Variants in KIR3DL2 observed in about 807,000 individuals in gnomAD.
KIR3DL2 encodes the protein killer cell immunoglobulin-like receptor 3DL2.
Under a neutral mutation model 41.6 loss-of-function variants are expected in KIR3DL2, and 42 were observed. The ratio of observed to expected loss-of-function variants is 1.01; its 90% confidence interval spans 0.79 to 1.31. KIR3DL2 has a LOEUF of 1.31. Among genes scored for constraint, KIR3DL2 ranks in the 50% most tolerant of loss-of-function variants. The probability of loss-of-function intolerance (pLI) is 0.00; values close to 1 mark genes in which losing one functional copy is unlikely to be tolerated. For synonymous variants in KIR3DL2, 230 were observed against 221.3 expected, an observed-to-expected ratio of 1.04 and a Z score of -0.35; for missense variants, 728 against 576.8, an observed-to-expected ratio of 1.26 and a Z score of -2.68.
Position 54,855,634 on chromosome 19 carries a change from C to G in KIR3DL2, c.671C>G (p.Pro224Arg). 1.2e-6 allele frequency: 2 copies of G among 1,612,988 alleles called. No homozygotes were observed. The highest frequency in any genetic ancestry group is 1.7e-6 in the Non-Finnish European group (2 of 1,179,810). Residue 224 changes from proline (P) to arginine (R), a missense_variant, in exon 5 of 9, where the codon CCT becomes CGT. Coordinates refer to ENST00000326321, the MANE Select transcript of KIR3DL2 (RefSeq NM_006737.4). ...DIVITGLYEK[P>R]SLSAQPGPTV... ...CTCCTTCCAGGTCTATATGAGAAAC[C>G]TTCTCTCTCAGCCCAGCCGGGCCCC...
intron 6 of KIR3DL2, among the ~76,000 whole-genome samples, chr19:54,860,565 A>T (rs2145681916): frequency 6.6e-6 from 1 of 152,046 alleles, no homozygotes; most frequent in South Asian, 2.1e-4. Flanking sequence ...TGTAGAGAGG[A>T]TGTTTCACCA....
chr19:54,855,624 T>C lies in KIR3DL2; in HGVS notation c.661T>C (p.Tyr221His). ...ACTGCCTCTTCTCCTTCCAGGTCTA[T>C]ATGAGAAACCTTCTCTCTCAGCCCA... is the stretch of plus-strand genomic sequence containing the variant. ...DPLDIVITGLYEKPSLSAQPG... is the reference protein window; with the variant it reads ...DPLDIVITGLHEKPSLSAQPG... Residue 221 changes from tyrosine to histidine, a missense_variant, in exon 5 of 9, where the codon TAT becomes CAT. By Grantham distance (83) the Tyr-to-His change is moderately conservative. Coordinates refer to ENST00000326321, the MANE Select transcript of KIR3DL2 (RefSeq NM_006737.4). 1 of 1,612,768 alleles carries C rather than the reference T, an allele frequency of 6.2e-7. No homozygotes were observed. The highest frequency in any genetic ancestry group is 8.5e-7 in the Non-Finnish European group (1 of 1,179,774).
At chr19:54,859,173 G>A (rs2065001786) in intron 6 of KIR3DL2, 44 bp downstream of exon 6, 2 of 1,564,374 alleles carry the variant, frequency 1.3e-6, no homozygotes, top group East Asian at 4.5e-5. Flanking sequence ...GAAACCTGGG[G>A]AGGTGGAAGC....
chr19:54,862,916 A>ACATATGTAT (rs1364793956), intron 6 of KIR3DL2, among the ~76,000 whole-genome samples: 2 of 143,096 alleles, frequency 1.4e-5, no homozygotes, highest in Non-Finnish European at 3.0e-5. Flanking sequence ...CAGGTTAGTT[A>ACATATGTAT]CATATGTATA....
chr19:54,853,388 A>G (rs2064457107), intron 3 of KIR3DL2, among the ~76,000 whole-genome samples: 1 of 151,748 alleles, frequency 6.6e-6, no homozygotes, highest in Non-Finnish European at 1.5e-5. Context: ...AGAGACTCCA[A>G]TTTGTTCAAA....
At chr19:54,853,673 C>G (rs1486078026) in intron 3 of KIR3DL2, 74 bp from the exon 4 acceptor site, 10 of 1,537,584 alleles carry the variant, frequency 6.5e-6, no homozygotes, top group African/African-American at 1.4e-5. Flanking sequence ...GGAGGGGAAC[C>G]CTCACTCATT....
Position 54,852,154 on chromosome 19 carries a change from T to G in KIR3DL2, c.227T>G (p.Phe76Cys). 1 of 1,612,996 alleles carries G rather than the reference T, an allele frequency of 6.2e-7. No homozygotes were observed. The highest frequency in any genetic ancestry group is 8.5e-7 in the Non-Finnish European group (1 of 1,179,624). ...SHVPIFHGRI[F>C]QESFIMGPVT... ...GTTCCCATCTTCCACGGCAGAATAT[T>G]CCAGGAGAGCTTCATCATGGGCCCT... Residue 76 changes from phenylalanine to cysteine, a missense_variant, in exon 3 of 9, where the codon TTC becomes TGC. Phe to Cys is a radical substitution (Grantham distance 205, BLOSUM62 -2). Coordinates refer to ENST00000326321, the MANE Select transcript of KIR3DL2 (RefSeq NM_006737.4).
chr19:54,866,614 G>A lies in KIR3DL2; in HGVS notation c.1251G>A (p.Arg417=). Residue 417 remains arginine, a synonymous_variant, in exon 9 of 9, where the codon AGG becomes AGA. Transcript: ENST00000326321. Reference sequence around the variant, plus strand: ...GAAAAATCAGTCGCCCTTCTCAGAGGCCCAAGACACCCCTAACAGATACCA... The same window carrying A: ...GAAAAATCAGTCGCCCTTCTCAGAGACCCAAGACACCCCTAACAGATACCA... ...IQRKISRPSQ[R]PKTPLTDTSV... 1 of 1,613,920 alleles carries A rather than the reference G, an allele frequency of 6.2e-7. No individual in the cohort carries two copies. Among genetic ancestry groups the A allele is most frequent in the Admixed American group, 1.7e-5 (1 of 60,018 alleles).
rs757853845 is a variant in KIR3DL2 at position 54,853,889 on chromosome 19, C to G, written c.498C>G (p.Arg166=). The change falls in exon 4 of 9, where the codon CGC becomes CGG. Residue 166 remains arginine (R), a synonymous_variant. Transcript: ENST00000326321. ...HREGISEDPS[R]LVGQIHDGVS... is the part of the protein sequence containing the mutation. ...AGGGGATCTCTGAGGACCCCTCACG[C>G]CTCGTTGGACAGATCCATGATGGGG... The G allele has an allele frequency of 6.2e-7, 1 of 1,613,370 alleles. No homozygotes were observed. Among genetic ancestry groups the G allele is most frequent in the South Asian group, 1.1e-5 (1 of 91,080 alleles).
intron 2 of KIR3DL2, among the ~76,000 whole-genome samples, chr19:54,851,467 A>C (rs2064230347): frequency 6.6e-6 from 1 of 151,150 alleles, no homozygotes; most frequent in Non-Finnish European, 1.5e-5. Context: ...GGGGTGCTCC[A>C]AGCTGGGGTG....
In KIR3DL2 at chr19:54,850,501, C is replaced by A; in HGVS notation, c.26C>A (p.Ala9Glu). MSLTVVSMACVGFFLLQGA... is the reference protein window; with the variant it reads MSLTVVSMECVGFFLLQGA... ...ATGTCGCTCACGGTCGTCAGCATGG[C>A]GTGCGTTGGTGAGTCCTGGAAGGGA... The change falls in exon 1 of 9, where the codon GCG becomes GAG. Residue 9 changes from alanine (A) to glutamate (E), a missense_variant. Transcript: ENST00000326321. 13 of 1,609,106 alleles carry A rather than the reference C, an allele frequency of 8.1e-6. No individual in the cohort carries two copies. The highest frequency in any genetic ancestry group is 1.1e-5 in the Non-Finnish European group (13 of 1,179,866).
chr19:54,859,929 T>G (rs558428549), intron 6 of KIR3DL2, among the ~76,000 whole-genome samples: 13 of 151,936 alleles, frequency 8.6e-5, no homozygotes, highest in Admixed American at 7.9e-4. Flanking sequence ...ACATCTCACA[T>G]GGCATCACTC....
intron 5 of KIR3DL2, among the ~76,000 whole-genome samples, chr19:54,857,130 C>T (rs1303852550): frequency 6.6e-6 from 1 of 150,924 alleles, no homozygotes; most frequent in Admixed American, 6.6e-5. Context: ...CCTCCTTAGT[C>T]CAAGCTGGAG....
chr19:54,853,636 G>A (rs1381433228), intron 3 of KIR3DL2, 111 bp from the exon 4 acceptor site: 3 of 1,266,692 alleles, frequency 2.4e-6, no homozygotes, highest in Non-Finnish European at 3.4e-6. Context: ...CGGAGACACA[G>A]AGAGGGAGGA....
rs1335704207 is a variant in KIR3DL2 at position 54,853,875 on chromosome 19, G to A, written c.484G>A (p.Glu162Lys). The A allele has an allele frequency of 2.0e-5, 33 of 1,613,222 alleles. 1 individual carries two copies. Among genetic ancestry groups the A allele is most frequent in the South Asian group, 3.3e-5 (3 of 91,072 alleles). Residue 162 changes from glutamate to lysine, a missense_variant, in exon 4 of 9, where the codon GAG becomes AAG. By Grantham distance (56) the Glu-to-Lys change is moderately conservative. Coordinates refer to ENST00000326321, the MANE Select transcript of KIR3DL2 (RefSeq NM_006737.4). ...CTTTCTGCACAGAGAGGGGATCTCT[G>A]AGGACCCCTCACGCCTCGTTGGACA... ...HFFLHREGIS[E>K]DPSRLVGQIH...
chr19:54,850,794 C>A (rs1322915233), intron 1 of KIR3DL2, among the ~76,000 whole-genome samples: 1 of 84,392 alleles, frequency 1.2e-5, no homozygotes, highest in Non-Finnish European at 2.3e-5. Context: ...GAGATCTGGG[C>A]CTGGAGTGGA....
chr19:54,865,514 C>G (rs555370609), intron 6 of KIR3DL2, among the ~76,000 whole-genome samples: 1 of 152,132 alleles, frequency 6.6e-6, no homozygotes, highest in South Asian at 2.1e-4. Context: ...CTCCATGACT[C>G]AAACACCTTC....
At chr19:54,865,280 G>A (rs1017788695) in intron 6 of KIR3DL2, among the ~76,000 whole-genome samples, 1 of 152,008 alleles carries the variant, frequency 6.6e-6, no homozygotes, top group Non-Finnish European at 1.5e-5. Flanking sequence ...ACCAGCATCT[G>A]TTTCCTGTGA....
At chr19:54,864,438 T>G (rs1435643423) in intron 6 of KIR3DL2, among the ~76,000 whole-genome samples, 1 of 152,128 alleles carries the variant, frequency 6.6e-6, no homozygotes, top group East Asian at 1.9e-4. Context: ...ATCTATAAAT[T>G]ACCTTGGGCA....
Sources: allele counts gnomAD v4.1 joint callset (sites outside exome capture counted in the v4.1 genomes callset), GRCh38; gene constraint gnomAD v4.1.1; transcripts MANE v1.5; gene names NCBI Gene and HGNC (gene_info 2026-07-23, HGNC 2026-07-21).